GOLGA8B: variants seen among roughly 807,000 people sequenced by gnomAD.
GOLGA8B encodes the protein golgin subfamily A member 8B.
A neutral mutation model predicts 15.6 loss-of-function variants in GOLGA8B; 1 was observed. The ratio of observed to expected loss-of-function variants is 0.06; its 90% CI spans 0.02 to 0.30. The LOEUF is 0.30. Among genes scored for constraint, GOLGA8B ranks in the 10% least tolerant of loss-of-function variants. The pLI is 1.00. For missense variants in GOLGA8B, 17 were observed against 201.3 expected, an observed-to-expected ratio of 0.08 and a Z score of 5.54; for synonymous variants, 9 against 80.3, an observed-to-expected ratio of 0.11 and a Z score of 4.75.
At chr15:34,571,703 G>C (rs563747170) in intron 1 of GOLGA8B, among the ~76,000 whole-genome samples, 93 of 151,698 alleles carry the variant, frequency 6.1e-4, no homozygotes, top group Non-Finnish European at 1.2e-3. Flanking sequence ...AAAAAATCGA[G>C]ACTATCAAGT....
chr15:34,566,236 G>C (rs1867687136), intron 1 of GOLGA8B: 1 of 142,500 alleles, frequency 7.0e-6, no homozygotes, highest in Non-Finnish European at 1.6e-5. Flanking sequence ...GCAAGATGAA[G>C]AAAGTTCTGG....
At chr15:34,566,843 T>G (rs1888776292) in intron 1 of GOLGA8B, among the ~76,000 whole-genome samples, 1 of 124,080 alleles carries the variant, frequency 8.1e-6, no homozygotes, top group South Asian at 2.5e-4. Context: ...GGGTTCCCCC[T>G]GCATATGTCA....
chr15:34,527,557 T>C lies in GOLGA8B; in HGVS notation c.*75A>G. 2.5e-6 allele frequency: 2 copies of C among 797,026 alleles called. No homozygotes were observed. 49.4% of individuals were successfully genotyped at this position (797,026 alleles called of 1,614,324 possible). A position where few individuals can be genotyped will look rare whatever the true frequency, so the allele number is the denominator to read the frequency against. ...TAACATTCAAATGAAGTAAATGAAT[T>C]GTGTAGGAGATTAACCCCATAACTT... is the stretch of plus-strand genomic sequence containing the variant. On this transcript the variant is annotated 3_prime_UTR_variant, in exon 24 of 24. Coordinates refer to ENST00000683415, the MANE Select transcript of GOLGA8B (RefSeq NM_001023567.5).
At chr15:34,582,534 A>C (rs1325610672) in intron 1 of GOLGA8B, among the ~76,000 whole-genome samples, 4 of 152,248 alleles carry the variant, frequency 2.6e-5, no homozygotes, top group Non-Finnish European at 5.9e-5. Context: ...GACTGCACTC[A>C]ACCACAGATT....
intron 1 of GOLGA8B, among the ~76,000 whole-genome samples, chr15:34,557,036 T>C (rs1274151076): frequency 4.3e-5 from 6 of 140,386 alleles, no homozygotes; most frequent in Admixed American, 3.8e-4. Flanking sequence ...CTAAAGCCGG[T>C]TGAGGGCTGA....
At position 34,527,200 on chromosome 15, in the gene GOLGA8B, G is replaced by C; in HGVS notation, c.*432C>G. 2 of 319,942 alleles carry C rather than the reference G, an allele frequency of 6.3e-6. No individual in the cohort carries two copies. Among genetic ancestry groups the C allele is most frequent in the South Asian group, 5.4e-5 (2 of 37,146 alleles). The allele number at this position is 319,942 out of a possible 1,614,324, so 19.8% of individuals were successfully genotyped here. ...GAAGAGCTCACTGTGATTAAGATGA[G>C]ATCAAACATCATAGCAGAACATTAG... On this transcript the variant is annotated 3_prime_UTR_variant, in exon 24 of 24. Coordinates refer to ENST00000683415, the MANE Select transcript of GOLGA8B (RefSeq NM_001023567.5).
Position 34,571,649 on chromosome 15 carries a change from C to T in GOLGA8B, c.-1123+11867G>A, listed in dbSNP as rs566679243. On this transcript the variant is annotated intron_variant, in intron 1 of 23. Transcript: ENST00000683415. ...AAAAAACTACATCCACAAATCACAC[C>T]GTATCTAAAATACATTTTAGATCAA... Among the ~76,000 whole-genome samples the T allele has an allele frequency of 8.9e-4, 132 of 148,842 alleles. 4 individuals carry two copies. The highest frequency in any genetic ancestry group is 3.1e-3 in the African/African-American group (127 of 40,730).
intron 1 of GOLGA8B, chr15:34,582,793 G>T: frequency 6.6e-6 from 1 of 152,146 alleles, no homozygotes; most frequent in African/African-American, 2.4e-5. Flanking sequence ...TGGGGACTGG[G>T]GGCCTCGATG....
At chr15:34,566,999 C>T (rs1422267890) in intron 1 of GOLGA8B, among the ~76,000 whole-genome samples, 13 of 117,088 alleles carry the variant, frequency 1.1e-4, no homozygotes, top group South Asian at 5.3e-4. Flanking sequence ...TTCAGCATCA[C>T]ATGGAGTGGC....
At chr15:34,568,124 G>A (rs142430006) in intron 1 of GOLGA8B, among the ~76,000 whole-genome samples, 2 of 150,350 alleles carry the variant, frequency 1.3e-5, no homozygotes, top group East Asian at 2.0e-4. Context: ...AGAAACACCC[G>A]GCAACATGCA....
intron 1 of GOLGA8B, among the ~76,000 whole-genome samples, chr15:34,569,462 C>G (rs1279139152): frequency 4.6e-5 from 7 of 151,686 alleles, no homozygotes; most frequent in African/African-American, 1.7e-4. Context: ...CCTACCACCA[C>G]AGGGCAACAT....
At chr15:34,571,135 G>A (rs1478672702) in intron 1 of GOLGA8B, among the ~76,000 whole-genome samples, 2 of 150,964 alleles carry the variant, frequency 1.3e-5, no homozygotes, top group Non-Finnish European at 3.0e-5. Flanking sequence ...AGACCAGCCT[G>A]GGAAACTTGG....
chr15:34,566,061 G>A (rs1217662682), intron 1 of GOLGA8B: 1 of 108,692 alleles, frequency 9.2e-6, no homozygotes, highest in Non-Finnish European at 2.1e-5. Flanking sequence ...CCTTGAGAAC[G>A]TCACGCTAAG....
At position 34,575,341 on chromosome 15, in the gene GOLGA8B, C is replaced by A. The variant is rs139235057; in HGVS notation, c.-1123+8175G>T. Among the ~76,000 whole-genome samples, 613 of 151,422 alleles carry A rather than the reference C, an allele frequency of 4.0e-3. 9 individuals are homozygous for A. Among genetic ancestry groups the A allele is most frequent in the African/African-American group, 0.014 (585 of 41,112 alleles). On this transcript the variant is annotated intron_variant, in intron 1 of 23. Coordinates refer to ENST00000683415, the MANE Select transcript of GOLGA8B (RefSeq NM_001023567.5). ...ACCTCCCCACACCCTCCTCTCGCCTCTGGATGCACCCCTCAACACACCCCT... is the reference window on the plus strand; with the variant it reads ...ACCTCCCCACACCCTCCTCTCGCCTATGGATGCACCCCTCAACACACCCCT...
In GOLGA8B at chr15:34,575,732, C is replaced by T. The variant is rs554545803; in HGVS notation, c.-1123+7784G>A. On this transcript the variant is annotated intron_variant, in intron 1 of 23. Transcript: ENST00000683415. Reference sequence around the variant, plus strand: ...GGGTCCATGATCCACCCCAACCTACCGTGGGGCTCTCACATCTTCCAGATT... The same window carrying T: ...GGGTCCATGATCCACCCCAACCTACTGTGGGGCTCTCACATCTTCCAGATT... Among the ~76,000 whole-genome samples the T allele has an allele frequency of 5.3e-5, 8 of 152,304 alleles. No homozygotes were observed. The South Asian group carries it at 1.2e-3, about 24-fold the overall frequency.
chr15:34,583,061 C>G (rs1005269433), intron 1 of GOLGA8B, among the ~76,000 whole-genome samples: 5 of 152,286 alleles, frequency 3.3e-5, no homozygotes, highest in Admixed American at 6.5e-5. Context: ...GGGAAGCGAA[C>G]CCAGAGGCGA....
At chr15:34,548,085 C>T (rs1205963605) in intron 4 of GOLGA8B, among the ~76,000 whole-genome samples, 1 of 151,954 alleles carries the variant, frequency 6.6e-6, no homozygotes, top group Non-Finnish European at 1.5e-5. Context: ...TATATATCCA[C>T]AAGATTCCTG....
chr15:34,572,677 G>C (rs532033207), intron 1 of GOLGA8B, among the ~76,000 whole-genome samples: 1 of 152,318 alleles, frequency 6.6e-6, no homozygotes, highest in South Asian at 2.1e-4. Flanking sequence ...GGCACTGAAT[G>C]GGGCAGTGGT....
Position 34,526,101 on chromosome 15 carries a change from A to G in GOLGA8B, c.*1531T>C, listed in dbSNP as rs1059890. The stretch of plus-strand genomic sequence containing the variant: ...CACAATCACAGAAATATTGCACAAA[A>G]TATGTCCCTGACTGAAACTGAGAGG... On this transcript the variant is annotated 3_prime_UTR_variant, in exon 24 of 24. Transcript: ENST00000683415. The G allele has an allele frequency of 4.0e-5, 6 of 149,964 alleles. No homozygotes were observed. The highest frequency in any genetic ancestry group is 9.9e-5 in the African/African-American group (4 of 40,564). 9.3% of individuals were successfully genotyped at this position (149,964 alleles called of 1,614,324 possible).
Sources: allele counts gnomAD v4.1 joint callset (sites outside exome capture counted in the v4.1 genomes callset), GRCh38; gene constraint gnomAD v4.1.1; transcripts MANE v1.5; gene names NCBI Gene and HGNC (gene_info 2026-07-23, HGNC 2026-07-21).